The following DCAF6 variants were observed in gnomAD, a reference collection of about 807,000 sequenced individuals.
DCAF6 encodes DDB1- and CUL4-associated factor 6.
DCAF6 carries 54 observed loss-of-function variants against 125.1 expected under a neutral mutation model. The observed-to-expected ratio is 0.43, with a 90% CI of 0.35 to 0.54. The LOEUF (loss-of-function observed/expected upper bound fraction) is 0.54, where lower values mean the gene tolerates loss of function less well. DCAF6 is among the 20% of genes least tolerant of loss of function. The pLI is 0.01. For missense variants in DCAF6, 934 were observed against 1,161.7 expected (o/e 0.80, Z 2.85); for synonymous variants, 371 against 390.4 (o/e 0.95, Z 0.58).
intron 12 of DCAF6, among the ~76,000 whole-genome samples, chr1:168,029,137 G>A (rs1292367110): frequency 6.6e-6 from 1 of 152,082 alleles, no homozygotes; most frequent in Non-Finnish European, 1.5e-5. Flanking sequence ...ATATGCTCGT[G>A]TGTTCTACTC....
rs1354687015 is a variant in DCAF6 at position 168,033,276 on chromosome 1, G to C, written c.1610-5095G>C. The stretch of plus-strand genomic sequence containing the variant: ...TCTGAGCCAATGCACTATCCTGAGA[G>C]GTCTCTAGTAGCATTTCTGAAAAGG... On this transcript the variant is annotated intron_variant, in intron 12 of 21. Coordinates refer to ENST00000367840, the MANE Select transcript of DCAF6 (RefSeq NM_001198956.2). Among the ~76,000 whole-genome samples the C allele has an allele frequency of 3.3e-5, 5 of 151,170 alleles. No individual in the cohort carries two copies. The East Asian group carries it at 9.7e-4, about 29-fold the overall frequency.
chr1:168,068,639 C>T (rs1027445157), intron 21 of DCAF6, among the ~76,000 whole-genome samples, 176 bp downstream of exon 21: 16 of 152,078 alleles, frequency 1.1e-4, no homozygotes, highest in Non-Finnish European at 2.4e-4. Context: ...CTTAGTTCCT[C>T]ATGAACTACA....
intron 16 of DCAF6, among the ~76,000 whole-genome samples, chr1:168,050,327 GTCA>G (rs1689754736): frequency 6.6e-6 from 1 of 152,134 alleles, no homozygotes; most frequent in South Asian, 2.1e-4. Flanking sequence ...CATTTATTCA[GTCA>G]TCATTGTAAC....
At chr1:168,044,368 C>T (rs999364214) in intron 14 of DCAF6, among the ~76,000 whole-genome samples, 2 of 152,000 alleles carry the variant, frequency 1.3e-5, no homozygotes, top group South Asian at 2.1e-4. Flanking sequence ...ACAATAACAG[C>T]GTAGCAACCG....
the DCAF6 span, among the ~76,000 whole-genome samples, chr1:167,869,462 A>T: frequency 6.6e-6 from 1 of 152,146 alleles, no homozygotes; most frequent in African/African-American, 2.4e-5. Flanking sequence ...ATTGTTTTAT[A>T]TTGTTTTATA....
intron 7 of DCAF6, among the ~76,000 whole-genome samples, chr1:167,995,587 G>C (rs144869376): frequency 1.3e-5 from 2 of 151,558 alleles, no homozygotes; most frequent in Non-Finnish European, 2.9e-5. Context: ...GGTTGAGGCA[G>C]GAGAATTGCT....
At chr1:168,041,808 A>G (rs955885502) in intron 13 of DCAF6, among the ~76,000 whole-genome samples, 8 of 151,820 alleles carry the variant, frequency 5.3e-5, no homozygotes, top group Admixed American at 2.0e-4. Context: ...AATGGAAAAA[A>G]TAAATATATA....
the DCAF6 span, among the ~76,000 whole-genome samples, chr1:167,897,607 G>T: frequency 0.53 from 136 of 256 alleles, 68 homozygotes; most frequent in East Asian, 1. Context: ...AGAGATGTGT[G>T]TGACAACATC....
chr1:168,055,212 A>G (rs533539471), intron 17 of DCAF6, among the ~76,000 whole-genome samples: 6 of 152,290 alleles, frequency 3.9e-5, no homozygotes, highest in Middle Eastern at 3.4e-3. Context: ...GTAGAGATAT[A>G]GAAATGTAAT....
At chr1:167,906,939 G>A in the DCAF6 span, among the ~76,000 whole-genome samples, 3,097 of 152,244 alleles carry the variant, frequency 0.02, 100 homozygotes, top group African/African-American at 0.069. Flanking sequence ...GAGGAATAAG[G>A]ATGAAGCTTA....
intron 7 of DCAF6, among the ~76,000 whole-genome samples, chr1:167,995,417 C>T (rs1218019529): frequency 2.0e-5 from 3 of 152,084 alleles, no homozygotes; most frequent in South Asian, 2.1e-4. Context: ...TAGTGGCTTA[C>T]GCCTGTAATC....
chr1:168,049,849 G>A (rs546409456), intron 16 of DCAF6, among the ~76,000 whole-genome samples: 2 of 150,594 alleles, frequency 1.3e-5, no homozygotes, highest in Admixed American at 6.6e-5. Context: ...TAGATACGGG[G>A]TTTCACCGTG....
At chr1:168,030,030 A>G (rs1290081498) in intron 12 of DCAF6, among the ~76,000 whole-genome samples, 1 of 152,150 alleles carries the variant, frequency 6.6e-6, no homozygotes, top group Admixed American at 6.5e-5. Context: ...ACAGCTAGTA[A>G]GCGTTAGAAA....
chr1:168,018,345 G>A (rs1685242725), intron 11 of DCAF6, among the ~76,000 whole-genome samples: 1 of 152,174 alleles, frequency 6.6e-6, no homozygotes, highest in African/African-American at 2.4e-5. Context: ...TATAAAATAG[G>A]TATTAGAAGA....
intron 17 of DCAF6, among the ~76,000 whole-genome samples, chr1:168,058,106 T>TC (rs1431595867): frequency 6.6e-6 from 1 of 152,236 alleles, no homozygotes; most frequent in African/African-American, 2.4e-5. Context: ...CTCTTTTTTT[T>TC]CCTCAGATAT....
intron 2 of DCAF6, 95 bp from the exon 3 acceptor site, chr1:167,966,534 T>C: frequency 1.3e-6 from 1 of 787,322 alleles, no homozygotes; most frequent in Middle Eastern, 3.3e-4. Context: ...ATAACCTCAT[T>C]AGTGGTAAAA....
At chr1:167,958,552 A>G (rs1675115152) in intron 2 of DCAF6, among the ~76,000 whole-genome samples, 1 of 152,054 alleles carries the variant, frequency 6.6e-6, no homozygotes. Flanking sequence ...TAGTTTTGTA[A>G]TAAGTTTTTC....
chr1:167,958,528 A>C (rs529316871), intron 2 of DCAF6, among the ~76,000 whole-genome samples: 3 of 152,210 alleles, frequency 2.0e-5, no homozygotes, highest in Non-Finnish European at 2.9e-5. Context: ...AGTGCCACAC[A>C]GTCTTGATTA....
At chr1:167,942,178 G>A (rs1672348918) in intron 1 of DCAF6, among the ~76,000 whole-genome samples, 1 of 152,174 alleles carries the variant, frequency 6.6e-6, no homozygotes, top group Admixed American at 6.5e-5. Flanking sequence ...AGATTCTCCT[G>A]CCTCAGCCTG....
Sources: gnomAD v4.1 joint callset for allele counts (sites outside exome capture counted in the v4.1 genomes callset) on GRCh38, gnomAD v4.1.1 for gene constraint, MANE v1.5 for transcripts, NCBI Gene and HGNC (gene_info 2026-07-23, HGNC 2026-07-21) for gene names.